PLCG2: variants seen among roughly 807,000 people sequenced by gnomAD.
PLCG2 encodes the protein 1-phosphatidylinositol 4,5-bisphosphate phosphodiesterase gamma-2.
Under a neutral mutation model 175.6 loss-of-function variants are expected in PLCG2, and 69 were observed. That is an observed-to-expected ratio of 0.39 (90% CI 0.32 to 0.48). The LOEUF (loss-of-function observed/expected upper bound fraction) is 0.48, where lower values mean the gene tolerates loss of function less well. Ranked by LOEUF, PLCG2 falls within the 20% of genes least tolerant of loss-of-function variation. PLCG2 has a pLI of 0.91. For synonymous variants in PLCG2, 827 were observed against 624.0 expected (o/e 1.33, Z -4.85); for missense variants, 1,798 against 1,650.9 (o/e 1.09, Z -1.54).
At chr16:81,789,279 C>T (rs912858885) in intron 2 of PLCG2, among the ~76,000 whole-genome samples, 5 of 152,210 alleles carry the variant, frequency 3.3e-5, no homozygotes, top group South Asian at 2.1e-4. Context: ...CACTCGCTTA[C>T]GCGGATGCGC....
chr16:81,785,947 C>G lies in PLCG2; in HGVS notation c.-43C>G, dbSNP rs1402650911. The G allele has an allele frequency of 6.3e-7, 1 of 1,576,766 alleles. No homozygotes were observed. Among genetic ancestry groups the G allele is most frequent in the Non-Finnish European group, 8.7e-7 (1 of 1,152,626 alleles). ...TCTTTAATTCTGCCCTTTCAGCTTC[C>G]TGATTTCTCCCGATTCCTTCCTTCT... On this transcript the variant is annotated 5_prime_UTR_variant, in exon 2 of 33. Transcript: ENST00000564138.
intron 1 of PLCG2, chr16:81,783,089 A>G: frequency 2.1e-6 from 1 of 474,306 alleles, no homozygotes; most frequent in Non-Finnish European, 4.2e-6. Context: ...TGAGGGCTGG[A>G]AAGAACTGAG....
chr16:81,913,867 G>A (rs1909733934), intron 19 of PLCG2, among the ~76,000 whole-genome samples: 1 of 152,170 alleles, frequency 6.6e-6, no homozygotes, highest in Non-Finnish European at 1.5e-5. Flanking sequence ...CACTATGCCT[G>A]AGCCACCTCC....
chr16:81,769,940 C>A (rs961946175), intron 2 of PLCG2, among the ~76,000 whole-genome samples: 1 of 150,870 alleles, frequency 6.6e-6, no homozygotes, highest in East Asian at 2.0e-4. Flanking sequence ...GTTTTCTTAT[C>A]TGTAAAGCTG....
At chr16:81,894,642 G>A (rs527693325) in intron 12 of PLCG2, among the ~76,000 whole-genome samples, 2 of 152,222 alleles carry the variant, frequency 1.3e-5, no homozygotes, top group Non-Finnish European at 2.9e-5. Context: ...AGAGGTCGAG[G>A]TGGGCGGATC....
intron 32 of PLCG2, 27 bp downstream of exon 32, chr16:81,956,906 A>T: frequency 6.3e-7 from 1 of 1,598,072 alleles, no homozygotes; most frequent in African/African-American, 1.3e-5. Flanking sequence ...ACCTGCAAAA[A>T]CTTTTGGGGG....
chr16:81,950,926 A>C (rs1017084387), intron 31 of PLCG2, among the ~76,000 whole-genome samples: 3 of 152,216 alleles, frequency 2.0e-5, no homozygotes, highest in Non-Finnish European at 4.4e-5. Flanking sequence ...ATAGAAACCA[A>C]CTGAATAAAA....
chr16:81,959,213 G>T lies in PLCG2; in HGVS notation c.*1215G>T, dbSNP rs1305264838. ...GTAACTGTGAAAAACGATGGCTGTG[G>T]TGGGGAAGAACAAACCAGCAGTAAG... On this transcript the variant is annotated 3_prime_UTR_variant, in exon 33 of 33. Transcript: ENST00000564138. 1 of 226,210 alleles carries T rather than the reference G, an allele frequency of 4.4e-6. No individual in the cohort carries two copies. The highest frequency in any genetic ancestry group is 8.8e-6 in the Non-Finnish European group (1 of 113,768). The allele number at this position is 226,210 out of a possible 1,614,324, so 14.0% of individuals were successfully genotyped here.
intron 30 of PLCG2, among the ~76,000 whole-genome samples, chr16:81,943,136 G>GCAAA (rs1291225489): frequency 3.3e-5 from 5 of 152,134 alleles, no homozygotes; most frequent in African/African-American, 7.2e-5. Flanking sequence ...ATGCCATGGA[G>GCAAA]CAAACAGTCA....
chr16:81,907,305 G>GA (rs1015758596), intron 15 of PLCG2, among the ~76,000 whole-genome samples: 5 of 150,862 alleles, frequency 3.3e-5, no homozygotes, highest in East Asian at 1.9e-4. Flanking sequence ...TTCATCGGGG[G>GA]AAAAAAAAAA....
chr16:81,776,766 G>T (rs1054964458), upstream of PLCG2, among the ~76,000 whole-genome samples: 1 of 152,172 alleles, frequency 6.6e-6, no homozygotes, highest in East Asian at 1.9e-4. Context: ...TGTTGGCCAG[G>T]ATAGTCGTGA....
At chr16:81,866,069 C>T (rs1418510329) in intron 5 of PLCG2, among the ~76,000 whole-genome samples, 1 of 134,442 alleles carries the variant, frequency 7.4e-6, no homozygotes, top group Admixed American at 7.3e-5. Flanking sequence ...CTCTCCCTTG[C>T]TCCCAGGATG....
intron 5 of PLCG2, among the ~76,000 whole-genome samples, chr16:81,860,172 A>ATTATTATTATTATTTTTT (rs763047744): frequency 8.3e-6 from 1 of 120,614 alleles, no homozygotes; most frequent in Non-Finnish European, 1.7e-5. Context: ...TATTATTATT[A>ATTATTATTATTATTTTTT]TTTTTTTTTT....
intron 13 of PLCG2, among the ~76,000 whole-genome samples, chr16:81,896,254 C>T (rs773554785): frequency 1.6e-4 from 24 of 152,114 alleles, no homozygotes; most frequent in African/African-American, 4.8e-4. Flanking sequence ...AAAGGCTGGG[C>T]GCAGTGGCTC....
intron 5 of PLCG2, among the ~76,000 whole-genome samples, chr16:81,860,288 G>A (rs188411877): frequency 1.8e-4 from 27 of 150,162 alleles, no homozygotes; most frequent in African/African-American, 4.9e-4. Context: ...AATCATTTCC[G>A]TGTTGATGCA....
chr16:81,817,086 G>C (rs1045900605), intron 2 of PLCG2, among the ~76,000 whole-genome samples: 6 of 152,212 alleles, frequency 3.9e-5, no homozygotes, highest in Non-Finnish European at 8.8e-5. Flanking sequence ...TTGAAGGCTG[G>C]TGGGGAGAGA....
chr16:81,958,672 T>A lies in PLCG2; in HGVS notation c.*674T>A, dbSNP rs1047129169. The A allele has an allele frequency of 4.5e-6, 1 of 222,568 alleles. No individual in the cohort carries two copies. Among genetic ancestry groups the A allele is most frequent in the African/African-American group, 2.2e-5 (1 of 44,742 alleles). 13.8% of individuals were successfully genotyped at this position (222,568 alleles called of 1,614,324 possible). ...GGTAGGAATCTTGGGGCCTCTTTGTTTTAAAAAGCCCATCAGAGAGACCAG... is the reference window on the plus strand; with the variant it reads ...GGTAGGAATCTTGGGGCCTCTTTGTATTAAAAAGCCCATCAGAGAGACCAG... On this transcript the variant is annotated 3_prime_UTR_variant, in exon 33 of 33. Coordinates refer to ENST00000564138, the MANE Select transcript of PLCG2 (RefSeq NM_002661.5).
At chr16:81,790,071 G>C (rs1225753151) in intron 2 of PLCG2, among the ~76,000 whole-genome samples, 1 of 152,226 alleles carries the variant, frequency 6.6e-6, no homozygotes, top group Non-Finnish European at 1.5e-5. Context: ...TCCCTTATCT[G>C]TGGACTGGAA....
intron 2 of PLCG2, among the ~76,000 whole-genome samples, chr16:81,838,332 C>T (rs541174053): frequency 5.4e-4 from 83 of 152,318 alleles, no homozygotes; most frequent in African/African-American, 1.9e-3. Context: ...TGTGATCTGC[C>T]TGCCTTGGCC....
Sources: gnomAD v4.1 joint callset for allele counts (sites outside exome capture counted in the v4.1 genomes callset) on GRCh38, gnomAD v4.1.1 for gene constraint, MANE v1.5 for transcripts, NCBI Gene and HGNC (gene_info 2026-07-23, HGNC 2026-07-21) for gene names.